The following CACNB4 variants were observed in gnomAD, a reference collection of about 807,000 sequenced individuals.
The protein encoded by CACNB4 is calcium voltage-gated channel auxiliary subunit beta 4.
In CACNB4, 32 loss-of-function variants were observed where a neutral mutation model predicts 71.2. The observed-to-expected ratio is 0.45, with a 90% CI of 0.34 to 0.60. The LOEUF (loss-of-function observed/expected upper bound fraction) is 0.60, where lower values mean the gene tolerates loss of function less well. Among genes scored for constraint, CACNB4 ranks in the 20% least tolerant of loss-of-function variants. The pLI is 0.01. For synonymous variants in CACNB4, 231 were observed against 236.9 expected (o/e 0.97, Z 0.23); for missense variants, 464 against 647.9 (o/e 0.72, Z 3.08).
At chr2:151,939,843 G>T (rs1484058915) in intron 2 of CACNB4, among the ~76,000 whole-genome samples, 6 of 151,932 alleles carry the variant, frequency 3.9e-5, no homozygotes, top group African/African-American at 1.5e-4. Flanking sequence ...AAAAACAAAA[G>T]CTATACAAAT....
intron 2 of CACNB4, among the ~76,000 whole-genome samples, chr2:151,994,544 C>T (rs575268982): frequency 2.0e-5 from 3 of 151,930 alleles, no homozygotes; most frequent in South Asian, 2.1e-4. Context: ...CACAGTCTCA[C>T]TCTGTCGCCC....
intron 3 of CACNB4, 116 bp from the exon 4 acceptor site, chr2:151,881,038 A>T: frequency 9.7e-7 from 1 of 1,034,012 alleles, no homozygotes; most frequent in Non-Finnish European, 1.4e-6. Context: ...AGGGATCTCA[A>T]ATGAGTTTTA....
intron 2 of CACNB4, among the ~76,000 whole-genome samples, chr2:151,892,225 C>A (rs1431757947): frequency 6.6e-6 from 1 of 152,104 alleles, no homozygotes; most frequent in Admixed American, 6.5e-5. Context: ...CACATGGCCC[C>A]CAGAGTGGTT....
intron 2 of CACNB4, among the ~76,000 whole-genome samples, chr2:152,073,881 C>A (rs1686842693): frequency 6.6e-6 from 1 of 152,110 alleles, no homozygotes; most frequent in Admixed American, 6.5e-5. Flanking sequence ...ATGTCCCTAG[C>A]TTCTAGGTGA....
intron 2 of CACNB4, among the ~76,000 whole-genome samples, chr2:152,053,907 C>T (rs1037156739): frequency 3.3e-5 from 5 of 152,066 alleles, no homozygotes; most frequent in East Asian, 1.9e-4. Context: ...CTATTACTTG[C>T]GATTGGCATC....
At chr2:151,919,830 A>C (rs1482630069) in intron 2 of CACNB4, among the ~76,000 whole-genome samples, 1 of 152,148 alleles carries the variant, frequency 6.6e-6, no homozygotes, top group East Asian at 1.9e-4. Context: ...CTTAAGTGCA[A>C]GTTTGGAAAA....
At chr2:151,849,797 T>C (rs945442335) in intron 12 of CACNB4, among the ~76,000 whole-genome samples, 1 of 152,152 alleles carries the variant, frequency 6.6e-6, no homozygotes, top group African/African-American at 2.4e-5. Flanking sequence ...TTGAAGTGAC[T>C]GAGTTTTGGG....
chr2:152,073,431 T>G (rs1283828371), intron 2 of CACNB4, among the ~76,000 whole-genome samples: 2 of 152,164 alleles, frequency 1.3e-5, no homozygotes, highest in Non-Finnish European at 2.9e-5. Context: ...GCCATTCGCC[T>G]GTGTAGTAAA....
chr2:152,045,618 T>A (rs565305688), intron 2 of CACNB4, among the ~76,000 whole-genome samples: 133 of 151,210 alleles, frequency 8.8e-4, no homozygotes, highest in African/African-American at 2.4e-3. Context: ...TACCACATTT[T>A]AAAAAAAAAA....
At chr2:151,879,828 T>C (rs1405153780) in intron 4 of CACNB4, 1 of 152,240 alleles carries the variant, frequency 6.6e-6, no homozygotes, top group East Asian at 1.9e-4. Context: ...GAGACCTTGA[T>C]ACAATGCAGG....
At chr2:152,032,496 C>G (rs1009709839) in intron 2 of CACNB4, among the ~76,000 whole-genome samples, 2 of 152,152 alleles carry the variant, frequency 1.3e-5, no homozygotes, top group Non-Finnish European at 2.9e-5. Context: ...CAATTAATTA[C>G]AAATTCCTTA....
intron 2 of CACNB4, chr2:151,971,773 C>T: frequency 1.7e-6 from 1 of 603,440 alleles, no homozygotes; most frequent in Non-Finnish European, 3.0e-6. Context: ...CTCTCTCTTC[C>T]CCTGATTTAT....
chr2:152,018,461 AG>A (rs2105108360), intron 2 of CACNB4, among the ~76,000 whole-genome samples: 1 of 152,258 alleles, frequency 6.6e-6, no homozygotes, highest in East Asian at 1.9e-4. Context: ...AAAAACAAAA[AG>A]AAGGGGTAGT....
At chr2:151,956,895 C>T (rs1490616197) in intron 2 of CACNB4, among the ~76,000 whole-genome samples, 3 of 152,152 alleles carry the variant, frequency 2.0e-5, no homozygotes, top group African/African-American at 7.2e-5. Context: ...GCCTGTAATC[C>T]TAGCACTGTG....
chr2:152,088,551 ATAC>A (rs1221492042), intron 2 of CACNB4, among the ~76,000 whole-genome samples: 7 of 152,252 alleles, frequency 4.6e-5, no homozygotes, highest in Non-Finnish European at 7.3e-5. Flanking sequence ...CCCAAAACAA[ATAC>A]TACAACAGCA....
chr2:151,985,791 CAG>C (rs1461723867), intron 2 of CACNB4, among the ~76,000 whole-genome samples: 1 of 151,702 alleles, frequency 6.6e-6, no homozygotes, highest in Non-Finnish European at 1.5e-5. Context: ...ATCTAAATAA[CAG>C]AGACTGTGGT....
At chr2:151,960,805 T>C (rs1041377041) in intron 2 of CACNB4, among the ~76,000 whole-genome samples, 3 of 152,208 alleles carry the variant, frequency 2.0e-5, no homozygotes, top group Non-Finnish European at 2.9e-5. Context: ...CTAATCCTGA[T>C]CACAGCTTTC....
chr2:151,842,237 G>A, intron 12 of CACNB4, 149 bp from the exon 13 acceptor site: 1 of 614,820 alleles, frequency 1.6e-6, no homozygotes, highest in Non-Finnish European at 2.9e-6. Flanking sequence ...CTAAAGTTAG[G>A]GTCAAGTGAA....
At chr2:152,071,003 G>A (rs762428684) in intron 2 of CACNB4, among the ~76,000 whole-genome samples, 5 of 152,216 alleles carry the variant, frequency 3.3e-5, no homozygotes, top group Non-Finnish European at 7.3e-5. Flanking sequence ...CTGACCTCAA[G>A]CATCTGCCTG....
Sources: gnomAD v4.1 joint callset for allele counts (sites outside exome capture counted in the v4.1 genomes callset) on GRCh38, gnomAD v4.1.1 for gene constraint, MANE v1.5 for transcripts, NCBI Gene and HGNC (gene_info 2026-07-23, HGNC 2026-07-21) for gene names.